The following NR1H4 variants were observed in gnomAD, a reference collection of about 807,000 sequenced individuals.
NR1H4 encodes nuclear receptor subfamily 1 group H member 4.
A neutral mutation model predicts 58.5 loss-of-function variants in NR1H4; 23 were observed. That is an observed-to-expected ratio of 0.39 (90% CI 0.28 to 0.56). The LOEUF is 0.56. NR1H4 is among the 20% of genes least tolerant of loss of function. NR1H4 has a pLI of 0.58. For synonymous variants in NR1H4, 214 were observed against 198.0 expected (o/e 1.08, Z -0.68); for missense variants, 487 against 576.9 (o/e 0.84, Z 1.60).
intron 9 of NR1H4, among the ~76,000 whole-genome samples, chr12:100,554,387 T>C (rs978123112): frequency 8.2e-6 from 1 of 121,642 alleles, no homozygotes; most frequent in African/African-American, 3.2e-5. Flanking sequence ...TGCATACTTG[T>C]AAATAACACA....
chr12:100,535,144 G>A, intron 6 of NR1H4, 121 bp downstream of exon 6: 3 of 1,104,336 alleles, frequency 2.7e-6, no homozygotes, highest in South Asian at 1.3e-5. Context: ...TAGTCCAATT[G>A]TTCATTAAAA....
intron 1 of NR1H4, among the ~76,000 whole-genome samples, chr12:100,486,009 T>C (rs994281004): frequency 6.6e-6 from 1 of 152,196 alleles, no homozygotes; most frequent in Non-Finnish European, 1.5e-5. Context: ...TTTTTGTACA[T>C]GTCACTGTAT....
intron 1 of NR1H4, among the ~76,000 whole-genome samples, chr12:100,490,144 CAGATAATTT>C (rs1953575794): frequency 6.6e-6 from 1 of 152,146 alleles, no homozygotes; most frequent in Non-Finnish European, 1.5e-5. Flanking sequence ...ACAATAAATG[CAGATAATTT>C]AATAGAGCCA....
intron 4 of NR1H4, among the ~76,000 whole-genome samples, chr12:100,517,777 T>C (rs1440541161): frequency 6.6e-6 from 1 of 152,222 alleles, no homozygotes; most frequent in Non-Finnish European, 1.5e-5. Context: ...ATTAGTGGTG[T>C]TGAGTGCCTT....
rs530418565 is a variant in NR1H4, at chr12:100,561,397, C to CA, written c.1079-480dup. Among the ~76,000 whole-genome samples the CA allele has an allele frequency of 1.7e-4, 25 of 150,982 alleles. 1 individual carries two copies. The highest frequency in any genetic ancestry group is 1.5e-3 in the South Asian group (7 of 4,784). Reference sequence around the variant, plus strand: ...TGGGTGACAGAGCGAGACTCCATCTCAAAAAAAATAAAATAAATAAATAAA... The same window carrying CA: ...TGGGTGACAGAGCGAGACTCCATCTCAAAAAAAAATAAAATAAATAAATAAA... On this transcript the variant is annotated intron_variant, in intron 9 of 10. Coordinates refer to ENST00000392986, the MANE Select transcript of NR1H4 (RefSeq NM_001206979.2).
intron 4 of NR1H4, among the ~76,000 whole-genome samples, chr12:100,527,994 G>A (rs902344298): frequency 2.6e-5 from 4 of 152,236 alleles, no homozygotes; most frequent in Non-Finnish European, 5.9e-5. Flanking sequence ...CTGTATAAGC[G>A]GAGACAGACC....
intron 3 of NR1H4, among the ~76,000 whole-genome samples, chr12:100,496,406 A>G (rs1953715520): frequency 6.6e-6 from 1 of 152,078 alleles, no homozygotes; most frequent in Non-Finnish European, 1.5e-5. Flanking sequence ...GAAAGACAAG[A>G]AGCCAGAGAG....
chr12:100,518,228 G>C (rs2136187699), intron 4 of NR1H4, among the ~76,000 whole-genome samples: 1 of 152,242 alleles, frequency 6.6e-6, no homozygotes, highest in Admixed American at 6.5e-5. Flanking sequence ...AGTGGGCCAA[G>C]GACAACCCTG....
chr12:100,508,622 ATGT>A (rs1954029104), intron 3 of NR1H4, among the ~76,000 whole-genome samples: 1 of 152,172 alleles, frequency 6.6e-6, no homozygotes, highest in South Asian at 2.1e-4. Flanking sequence ...GGGGTTAATA[ATGT>A]TACCCACCTC....
chr12:100,504,683 C>A (rs531342699), intron 3 of NR1H4, among the ~76,000 whole-genome samples: 1 of 152,158 alleles, frequency 6.6e-6, no homozygotes, highest in Admixed American at 6.5e-5. Context: ...TACATTCTTT[C>A]AGCTTTGTAA....
At position 100,563,514 on chromosome 12, in the gene NR1H4, G is replaced by T. The variant is rs1390114974; in HGVS notation, c.*25G>T. On this transcript the variant is annotated 3_prime_UTR_variant, in exon 11 of 11. Coordinates refer to ENST00000392986, the MANE Select transcript of NR1H4 (RefSeq NM_001206979.2). ...ATGGGGATTACAGGGGAGGGGTCTA[G>T]CTCCTTTTTCTCTCTCATATTAATC... 1.3e-6 allele frequency: 2 copies of T among 1,552,786 alleles called. No homozygotes were observed. Among genetic ancestry groups the T allele is most frequent in the African/African-American group, 1.4e-5 (1 of 73,754 alleles).
intron 1 of NR1H4, among the ~76,000 whole-genome samples, chr12:100,483,724 C>T (rs139638227): frequency 0.022 from 3,300 of 152,250 alleles, 99 homozygotes; most frequent in Non-Finnish European, 0.025. Flanking sequence ...TGGCTCACGC[C>T]TGTAATCCCA....
intron 5 of NR1H4, among the ~76,000 whole-genome samples, chr12:100,533,968 C>G (rs1954754346): frequency 6.6e-6 from 1 of 151,612 alleles, no homozygotes; most frequent in South Asian, 2.1e-4. Flanking sequence ...GCAATCTCGG[C>G]TCACTGCAAG....
intron 1 of NR1H4, among the ~76,000 whole-genome samples, chr12:100,478,914 A>G (rs559852997): frequency 6.6e-6 from 1 of 152,326 alleles, no homozygotes; most frequent in East Asian, 1.9e-4. Context: ...TCAAAGTTAA[A>G]ATTTTTTGAT....
chr12:100,504,783 G>A (rs59540689), intron 3 of NR1H4, among the ~76,000 whole-genome samples: 1,561 of 152,314 alleles, frequency 0.01, 27 homozygotes, highest in African/African-American at 0.036. Flanking sequence ...AGATTTGTCT[G>A]CTCAGAGGGC....
intron 1 of NR1H4, among the ~76,000 whole-genome samples, chr12:100,479,345 C>T (rs1953332359): frequency 1.3e-5 from 2 of 152,238 alleles, no homozygotes; most frequent in East Asian, 1.9e-4. Context: ...AGTCTTTAAT[C>T]CATCTGAGAT....
At chr12:100,484,867 C>A (rs557539373) in intron 1 of NR1H4, among the ~76,000 whole-genome samples, 1 of 152,262 alleles carries the variant, frequency 6.6e-6, no homozygotes, top group Admixed American at 6.5e-5. Flanking sequence ...GGAGGAATTA[C>A]TTTTTCCTCA....
chr12:100,529,352 C>T (rs941020521), intron 4 of NR1H4, among the ~76,000 whole-genome samples: 1 of 152,160 alleles, frequency 6.6e-6, no homozygotes, highest in Non-Finnish European at 1.5e-5. Context: ...AGTCTCCTCT[C>T]TCTAGTCTCC....
chr12:100,500,000 TTCAC>T (rs1953798738), intron 3 of NR1H4: 1 of 455,836 alleles, frequency 2.2e-6, no homozygotes, highest in African/African-American at 2.0e-5. Flanking sequence ...GCCACTAAAA[TTCAC>T]TCTCACAACA....
Sources: gnomAD v4.1 joint callset for allele counts (sites outside exome capture counted in the v4.1 genomes callset) on GRCh38, gnomAD v4.1.1 for gene constraint, MANE v1.5 for transcripts, NCBI Gene and HGNC (gene_info 2026-07-23, HGNC 2026-07-21) for gene names.